The following ROBO1 variants were observed in gnomAD, a reference collection of about 807,000 sequenced individuals.
ROBO1 encodes the protein roundabout homolog 1.
Under a neutral mutation model 195.9 loss-of-function variants are expected in ROBO1, and 149 were observed. The ratio of observed to expected loss-of-function variants is 0.76; its 90% CI spans 0.67 to 0.87. The LOEUF (loss-of-function observed/expected upper bound fraction) is 0.87. ROBO1 is among the 40% of genes least tolerant of loss of function. ROBO1 has a pLI of 0.00. For synonymous variants in ROBO1, 816 were observed against 733.2 expected (o/e 1.11, Z -1.82); for missense variants, 1,933 against 2,068.3 (o/e 0.93, Z 1.27).
At chr3:79,390,052 T>A (rs1209033556) in intron 2 of ROBO1, among the ~76,000 whole-genome samples, 1 of 152,138 alleles carries the variant, frequency 6.6e-6, no homozygotes, top group African/African-American at 2.4e-5. Flanking sequence ...TACAGTCAAA[T>A]AATATCTACT....
intron 2 of ROBO1, among the ~76,000 whole-genome samples, chr3:79,350,330 C>T (rs13073607): frequency 0.12 from 18,807 of 152,124 alleles, 1,208 homozygotes; most frequent in Middle Eastern, 0.16. Context: ...AAATTTTATC[C>T]TCACGCATTG....
chr3:79,693,124 G>C (rs1947342025), intron 1 of ROBO1, among the ~76,000 whole-genome samples: 2 of 151,536 alleles, frequency 1.3e-5, no homozygotes, highest in African/African-American at 4.8e-5. Context: ...ATCGTTAAAA[G>C]AATAGATTTG....
At chr3:78,879,554 CTGTGT>C (rs973818210) in intron 4 of ROBO1, among the ~76,000 whole-genome samples, 14 of 151,660 alleles carry the variant, frequency 9.2e-5, no homozygotes, top group South Asian at 2.1e-4. Flanking sequence ...TAAATACCAT[CTGTGT>C]ATGATAGCCT....
rs187143042 is a variant in ROBO1 at position 78,683,549 on chromosome 3, G to T, written c.1342+2197C>A. On this transcript the variant is annotated intron_variant, in intron 10 of 30. Transcript: ENST00000464233. ...CTACAATAATTAACACATATGGGCC[G>T]GGCGTGGTAGCTCATACCTATAATC... Among the ~76,000 whole-genome samples the T allele has an allele frequency of 2.6e-5, 4 of 151,948 alleles. No individual in the cohort carries two copies. In the East Asian group the frequency reaches 7.7e-4, roughly 29 times the overall value.
intron 4 of ROBO1, among the ~76,000 whole-genome samples, chr3:78,761,110 A>G (rs1022867503): frequency 6.6e-6 from 1 of 152,180 alleles, no homozygotes; most frequent in African/African-American, 2.4e-5. Context: ...TCCTAGGTGG[A>G]AGAGGGCCAA....
intron 2 of ROBO1, among the ~76,000 whole-genome samples, chr3:79,464,903 C>T (rs1180567401): frequency 6.6e-6 from 1 of 152,146 alleles, no homozygotes; most frequent in East Asian, 1.9e-4. Context: ...GCTCTTCTGG[C>T]TTTAATCACA....
chr3:78,635,232 G>A (rs975561172), intron 23 of ROBO1, among the ~76,000 whole-genome samples: 3 of 152,036 alleles, frequency 2.0e-5, no homozygotes, highest in African/African-American at 7.2e-5. Flanking sequence ...ACTTCAATCA[G>A]GTCAACCAAG....
chr3:79,456,958 C>T (rs865814436), intron 2 of ROBO1, among the ~76,000 whole-genome samples: 5 of 152,128 alleles, frequency 3.3e-5, no homozygotes, highest in South Asian at 2.1e-4. Context: ...TATCCCTACA[C>T]TCCAGAGTTA....
chr3:78,742,443 T>G (rs1350930228), intron 5 of ROBO1, among the ~76,000 whole-genome samples: 1 of 152,206 alleles, frequency 6.6e-6, no homozygotes, highest in Admixed American at 6.5e-5. Context: ...TTCTAAGTTT[T>G]TGTTTTAATT....
At chr3:79,292,063 T>C (rs1464531884) in intron 2 of ROBO1, among the ~76,000 whole-genome samples, 1 of 152,230 alleles carries the variant, frequency 6.6e-6, no homozygotes, top group Non-Finnish European at 1.5e-5. Flanking sequence ...CCCCCGTATA[T>C]CCTACTGTCT....
chr3:79,643,280 G>A (rs1392736940), intron 1 of ROBO1, among the ~76,000 whole-genome samples: 1 of 152,124 alleles, frequency 6.6e-6, no homozygotes, highest in Non-Finnish European at 1.5e-5. Flanking sequence ...ATGCTGCACT[G>A]TTAGGCTTCC....
chr3:78,681,100 G>A (rs1214988255), intron 10 of ROBO1, among the ~76,000 whole-genome samples: 5 of 151,408 alleles, frequency 3.3e-5, no homozygotes, highest in Admixed American at 6.6e-5. Context: ...ACCAAACACC[G>A]CATGTTCTCA....
rs564505180 is a variant in ROBO1, at chr3:79,632,471, A to G, written c.-50-42510T>C. Among the ~76,000 whole-genome samples, 3 of 152,282 alleles carry G rather than the reference A, an allele frequency of 2.0e-5. No individual in the cohort carries two copies. The South Asian group carries it at 6.2e-4, about 32-fold the overall frequency. On this transcript the variant is annotated intron_variant, in intron 1 of 30. Transcript: ENST00000464233. ...AAAAATAACAGACACTGAGGATTCC[A>G]AAAAAGTAGAAGGTAGGAGGGTAGT...
intron 3 of ROBO1, among the ~76,000 whole-genome samples, chr3:78,960,979 C>T (rs117112998): frequency 1.1e-4 from 17 of 152,154 alleles, no homozygotes; most frequent in Admixed American, 2.0e-4. Flanking sequence ...CGTTGCAATA[C>T]GCTGTATGTA....
chr3:79,343,320 T>C (rs1345328444), intron 2 of ROBO1, among the ~76,000 whole-genome samples: 1 of 152,174 alleles, frequency 6.6e-6, no homozygotes, highest in Non-Finnish European at 1.5e-5. Flanking sequence ...TTTTGTGCAA[T>C]AAAAGTTTCC....
chr3:79,365,884 A>C (rs559482362), intron 2 of ROBO1, among the ~76,000 whole-genome samples: 5 of 141,238 alleles, frequency 3.5e-5, no homozygotes, highest in Non-Finnish European at 7.7e-5. Context: ...GCGACACAGC[A>C]AGACTCCGTC....
At chr3:79,194,450 T>G (rs1463924437) in intron 2 of ROBO1, among the ~76,000 whole-genome samples, 1 of 151,656 alleles carries the variant, frequency 6.6e-6, no homozygotes, top group Non-Finnish European at 1.5e-5. Flanking sequence ...CGTCACTTTT[T>G]AATGCTATTA....
At chr3:78,945,989 A>G (rs914142082) in intron 3 of ROBO1, among the ~76,000 whole-genome samples, 1 of 152,088 alleles carries the variant, frequency 6.6e-6, no homozygotes, top group African/African-American at 2.4e-5. Flanking sequence ...ATAAAAAGAA[A>G]TCAACAAAGC....
chr3:79,635,081 T>A (rs927297358), intron 1 of ROBO1, among the ~76,000 whole-genome samples: 2 of 152,200 alleles, frequency 1.3e-5, no homozygotes, highest in African/African-American at 4.8e-5. Flanking sequence ...ATTGAAGATT[T>A]CCATTTTCTC....
Sources: gnomAD v4.1 joint callset for allele counts (sites outside exome capture counted in the v4.1 genomes callset) on GRCh38, gnomAD v4.1.1 for gene constraint, MANE v1.5 for transcripts, NCBI Gene and HGNC (gene_info 2026-07-23, HGNC 2026-07-21) for gene names.